Variants in GCC2 observed in about 807,000 individuals in gnomAD.
The protein encoded by GCC2 is GRIP and coiled-coil domain-containing protein 2.
In GCC2, 120 loss-of-function variants were observed where a neutral mutation model predicts 210.6. The observed-to-expected ratio is 0.57, with a 90% CI of 0.49 to 0.66. The LOEUF is 0.66. GCC2 is among the 30% of genes least tolerant of loss of function. The pLI is 0.00. For synonymous variants in GCC2, 703 were observed against 652.7 expected (o/e 1.08, Z -1.17); for missense variants, 1,868 against 1,871.9 (o/e 1.00, Z 0.04).
At chr2:108,451,346 T>C (rs1055151769) in intron 3 of GCC2, among the ~76,000 whole-genome samples, 5 of 152,178 alleles carry the variant, frequency 3.3e-5, no homozygotes, top group Non-Finnish European at 5.9e-5. Context: ...GGGAGGAGGA[T>C]TTTTAAAGTT....
chr2:108,489,648 T>C (rs1269150002), intron 17 of GCC2, among the ~76,000 whole-genome samples, 190 bp from the exon 18 acceptor site: 1 of 150,202 alleles, frequency 6.7e-6, no homozygotes, highest in Non-Finnish European at 1.5e-5. Context: ...CTGTAGTGCC[T>C]AAGATTTTAA....
At chr2:108,505,678 A>G (rs1462138050) in intron 22 of GCC2, among the ~76,000 whole-genome samples, 2 of 151,808 alleles carry the variant, frequency 1.3e-5, no homozygotes, top group Non-Finnish European at 2.9e-5. Flanking sequence ...TTGGAAGTAG[A>G]TTCTTCTCCA....
rs1283811252 is a variant in GCC2, at chr2:108,508,432, A to G, written c.*802A>G. Reference sequence around the variant, plus strand: ...TGTTGTCAGAGCCCTAGAGCTGGCTAGTGTAACACTGACTATGAGTAGGTG... The same window carrying G: ...TGTTGTCAGAGCCCTAGAGCTGGCTGGTGTAACACTGACTATGAGTAGGTG... On this transcript the variant is annotated 3_prime_UTR_variant, in exon 23 of 23. Transcript: ENST00000309863. 1 of 83,098 alleles carries G rather than the reference A, an allele frequency of 1.2e-5. No homozygotes were observed. The highest frequency in any genetic ancestry group is 5.1e-4 in the South Asian group (1 of 1,960). The allele number at this position is 83,098 out of a possible 1,614,324, so 5.1% of individuals were successfully genotyped here. A position where few individuals can be genotyped will look rare whatever the true frequency, so the allele number is the denominator to read the frequency against.
chr2:108,507,471 G>A (rs1683253546), intron 22 of GCC2, 89 bp from the exon 23 acceptor site: 1 of 1,100,736 alleles, frequency 9.1e-7, no homozygotes, highest in Non-Finnish European at 1.3e-6. Flanking sequence ...ATTGTAGAGT[G>A]ATTCTAAAAT....
intron 18 of GCC2, among the ~76,000 whole-genome samples, chr2:108,492,145 T>G (rs972092018): frequency 5.3e-5 from 8 of 152,010 alleles, no homozygotes; most frequent in Middle Eastern, 3.4e-3. Context: ...TGTGGGGTTT[T>G]TTTTTTTTTT....
At chr2:108,452,136 TATG>T (rs1247604134) in intron 3 of GCC2, among the ~76,000 whole-genome samples, 1 of 152,154 alleles carries the variant, frequency 6.6e-6, no homozygotes, top group African/African-American at 2.4e-5. Flanking sequence ...GGTGAAATAA[TATG>T]ATGTCTGGGG....
rs1444331771 is a variant in GCC2, at chr2:108,492,670, T to C, written c.4327T>C (p.Phe1443Leu). Residue 1443 changes from phenylalanine to leucine, a missense_variant, in exon 19 of 23, where the codon TTC (phenylalanine) becomes CTC (leucine). Phe to Leu is a conservative substitution (Grantham distance 22). This residue lies in a region of GCC2 where 1,847 missense variants were observed against 1,765.2 expected (regional missense o/e 1.05). Coordinates refer to ENST00000309863, the MANE Select transcript of GCC2 (RefSeq NM_181453.4). ...TSQNEVLRNS[F>L]RDQVRHLQEE... ...CCAGAACGAGGTCCTTCGAAATAGC[T>C]TCCGAGATCAAGTGCGACATTTGCA... 6.2e-7 allele frequency: 1 copy of C among 1,613,874 alleles called. No individual in the cohort carries two copies. Among genetic ancestry groups the C allele is most frequent in the East Asian group, 2.2e-5 (1 of 44,876 alleles).
At chr2:108,479,321 A>G (rs922627459) in intron 9 of GCC2, among the ~76,000 whole-genome samples, 1 of 152,146 alleles carries the variant, frequency 6.6e-6, no homozygotes, top group Admixed American at 6.5e-5. Flanking sequence ...AATTAGAAAC[A>G]AAAGTGCGTT....
intron 4 of GCC2, among the ~76,000 whole-genome samples, chr2:108,462,419 G>A (rs1404737252): frequency 2.6e-4 from 38 of 148,310 alleles, no homozygotes; most frequent in Admixed American, 2.3e-3. Flanking sequence ...GCGTGAACCC[G>A]GGAGGCAGAG....
chr2:108,495,635 G>C (rs1682615262), intron 20 of GCC2, 150 bp downstream of exon 20: 2 of 486,852 alleles, frequency 4.1e-6, no homozygotes, highest in African/African-American at 2.0e-5. Context: ...GTTCTCTAGA[G>C]GGACAGAACT....
chr2:108,475,849 A>T lies in GCC2; in HGVS notation c.3059A>T (p.Lys1020Met). 7.2e-6 allele frequency: 11 copies of T among 1,518,120 alleles called. No homozygotes were observed. Among genetic ancestry groups the T allele is most frequent in the Non-Finnish European group, 9.9e-6 (11 of 1,111,038 alleles). The allele number at this position is 1,518,120 out of a possible 1,614,324, so 94.0% of individuals were successfully genotyped here. A position where few individuals can be genotyped will look rare whatever the true frequency, so the allele number is the denominator to read the frequency against. The change falls in exon 9 of 23, where the codon AAG becomes ATG. Residue 1020 changes from lysine (K) to methionine (M), a missense_variant and splice_region_variant. Transcript: ENST00000309863. ...CTCATTCAAGGAGCAGAAAGCTATA[A>T]GGTAAAAAATAGTCATTTTAATAAC... ...RDLIQGAESY[K>M]NLLLEYEKQS...
In GCC2 at chr2:108,495,441, C is replaced by G; in HGVS notation, c.4598C>G (p.Thr1533Arg). Residue 1533 changes from threonine (T) to arginine (R), a missense_variant, in exon 20 of 23, where the codon ACA becomes AGA. Coordinates refer to ENST00000309863, the MANE Select transcript of GCC2 (RefSeq NM_181453.4). ...TESVSSASTY[T>R]QSLEQLLNSP... ...TCTGTGTCTTCCGCCAGCACATACACACAGTCTTTAGAGCAGCTGCTTAAC... is the reference window on the plus strand; with the variant it reads ...TCTGTGTCTTCCGCCAGCACATACAGACAGTCTTTAGAGCAGCTGCTTAAC... 1.9e-6 allele frequency: 3 copies of G among 1,594,460 alleles called. No homozygotes were observed. The highest frequency in any genetic ancestry group is 2.5e-6 in the Non-Finnish European group (3 of 1,178,444).
At chr2:108,501,058 C>T (rs887592468) in intron 22 of GCC2, among the ~76,000 whole-genome samples, 2 of 151,986 alleles carry the variant, frequency 1.3e-5, no homozygotes, top group Non-Finnish European at 2.9e-5. Flanking sequence ...TGCAGTGGTC[C>T]GATCATGGCT....
At chr2:108,463,851 C>T (rs1680728877) in intron 4 of GCC2, among the ~76,000 whole-genome samples, 1 of 152,170 alleles carries the variant, frequency 6.6e-6, no homozygotes, top group Non-Finnish European at 1.5e-5. Context: ...TTGATTGGGC[C>T]AGTCTCCATA....
In GCC2 at chr2:108,509,264, G is replaced by A. The variant is rs1413911795; in HGVS notation, c.*1634G>A. 6.6e-5 allele frequency: 10 copies of A among 152,488 alleles called. No individual in the cohort carries two copies. Among genetic ancestry groups the A allele is most frequent in the East Asian group, 1.9e-4 (1 of 5,204 alleles). The allele number at this position is 152,488 out of a possible 1,614,324, so 9.4% of individuals were successfully genotyped here. On this transcript the variant is annotated 3_prime_UTR_variant, in exon 23 of 23. Transcript: ENST00000309863. ...GTTTTGAAATATAGTCTCTGCTTAC[G>A]AATGTCATAACAAAATAATTTTTTG...
intron 7 of GCC2, among the ~76,000 whole-genome samples, chr2:108,474,595 A>T (rs1681410806): frequency 6.6e-6 from 1 of 152,208 alleles, no homozygotes; most frequent in African/African-American, 2.4e-5. Flanking sequence ...GCGATGGGAC[A>T]AAACTAGAGG....
intron 21 of GCC2, among the ~76,000 whole-genome samples, chr2:108,497,858 G>A (rs3872545): frequency 6.6e-6 from 1 of 152,188 alleles, no homozygotes; most frequent in Non-Finnish European, 1.5e-5. Flanking sequence ...ATCACTGGTT[G>A]AGAGAAAAAT....
At chr2:108,487,577 A>C (rs1573217399) in intron 16 of GCC2, 122 bp from the exon 17 acceptor site, 1 of 924,776 alleles carries the variant, frequency 1.1e-6, no homozygotes, top group East Asian at 2.6e-5. Context: ...GAAACCAAAA[A>C]GAATGTCAGC....
Position 108,484,295 on chromosome 2 carries a change from C to T in GCC2, c.3597C>T (p.Thr1199=), listed in dbSNP as rs1456568396. ...EIKIQKQKQE[T]LQEEITSLQS... ...AAATTCAAAAACAGAAACAAGAAAC[C>T]CTACAAGAAGAAATAAGTGAGTTAA... Residue 1199 remains threonine (T), a synonymous_variant, in exon 13 of 23, where the codon ACC becomes ACT. Transcript: ENST00000309863. 6.6e-7 allele frequency: 1 copy of T among 1,507,506 alleles called. No individual in the cohort carries two copies. The highest frequency in any genetic ancestry group is 9.0e-7 in the Non-Finnish European group (1 of 1,117,288). 93.4% of individuals were successfully genotyped at this position (1,507,506 alleles called of 1,614,324 possible). A position where few individuals can be genotyped will look rare whatever the true frequency, so the allele number is the denominator to read the frequency against.
Sources: gnomAD v4.1 joint callset for allele counts (sites outside exome capture counted in the v4.1 genomes callset) on GRCh38, gnomAD v4.1.1 for gene constraint, gnomAD v4.1.1 regional missense constraint, MANE v1.5 for transcripts, NCBI Gene and HGNC (gene_info 2026-07-23, HGNC 2026-07-21) for gene names.